Variants in BTBD8 observed in about 807,000 individuals in gnomAD.
The protein encoded by BTBD8 is BTB domain containing 8.
Under a neutral mutation model 162.9 loss-of-function variants are expected in BTBD8, and 110 were observed. The observed-to-expected ratio is 0.68, with a 90% CI of 0.58 to 0.79. The LOEUF (loss-of-function observed/expected upper bound fraction) is 0.79. BTBD8 is among the 30% of genes least tolerant of loss of function. BTBD8 has a pLI of 0.00. For synonymous variants in BTBD8, 667 were observed against 716.1 expected (o/e 0.93, Z 1.10); for missense variants, 1,905 against 2,085.4 (o/e 0.91, Z 1.68).
At chr1:92,104,018 T>C (rs1468048787) in intron 3 of BTBD8, among the ~76,000 whole-genome samples, 21 of 152,214 alleles carry the variant, frequency 1.4e-4, no homozygotes, top group Admixed American at 1.4e-3. Flanking sequence ...GATATTTAGG[T>C]GTGCATGTGT....
chr1:92,180,772 A>C lies in BTBD8; in HGVS notation c.3089A>C (p.Asn1030Thr). 6.4e-7 allele frequency: 1 copy of C among 1,551,788 alleles called. No homozygotes were observed. Among genetic ancestry groups the C allele is most frequent in the South Asian group, 1.2e-5 (1 of 84,064 alleles). The change falls in exon 17 of 18, where the codon AAT (asparagine) becomes ACT (threonine). Residue 1030 changes from asparagine to threonine, a missense_variant. Transcript: ENST00000636805. Reference sequence around the variant, plus strand: ...GAGAAGTTGGCGTTAGAATGCCAAAATATTTCAAAGCTGGATAAATCATTA... The same window carrying C: ...GAGAAGTTGGCGTTAGAATGCCAAACTATTTCAAAGCTGGATAAATCATTA... ...EKEKLALECQNISKLDKSLKH... is the reference protein window; with the variant it reads ...EKEKLALECQTISKLDKSLKH...
At chr1:92,095,787 A>C (rs184885022) in intron 2 of BTBD8, among the ~76,000 whole-genome samples, 4 of 152,106 alleles carry the variant, frequency 2.6e-5, no homozygotes, top group African/African-American at 4.8e-5. Context: ...TGTCCACTCT[A>C]CCTCAACTAC....
intron 6 of BTBD8, among the ~76,000 whole-genome samples, chr1:92,140,797 T>C (rs1451582785): frequency 6.6e-6 from 1 of 152,264 alleles, no homozygotes; most frequent in Non-Finnish European, 1.5e-5. Context: ...GCAGAGAGTT[T>C]TGTAACTTTT....
At chr1:92,182,931 G>T (rs1650959644) in intron 17 of BTBD8, among the ~76,000 whole-genome samples, 1 of 151,908 alleles carries the variant, frequency 6.6e-6, no homozygotes, top group Admixed American at 6.6e-5. Flanking sequence ...TTGACTATTA[G>T]AAATTTTATT....
intron 10 of BTBD8, 22 bp from the exon 11 acceptor site, chr1:92,167,826 T>C: frequency 6.5e-7 from 1 of 1,538,394 alleles, no homozygotes; most frequent in Non-Finnish European, 8.8e-7. Flanking sequence ...TCCTCTTAAA[T>C]ATTAATTTCT....
At chr1:92,158,568 C>G (rs889420941) in intron 9 of BTBD8, among the ~76,000 whole-genome samples, 13 of 152,072 alleles carry the variant, frequency 8.5e-5, no homozygotes, top group African/African-American at 3.1e-4. Flanking sequence ...CGTTAATATA[C>G]TCTTTAGTTA....
chr1:92,085,092 A>C (rs773507402), intron 1 of BTBD8, among the ~76,000 whole-genome samples: 5 of 152,072 alleles, frequency 3.3e-5, no homozygotes, highest in African/African-American at 7.2e-5. Context: ...TATATCACAC[A>C]CTTTAATTTT....
chr1:92,183,770 T>TTTTG (rs1553127263), intron 17 of BTBD8, 94 bp from the exon 18 acceptor site: 4 of 563,940 alleles, frequency 7.1e-6, no homozygotes, highest in African/African-American at 5.9e-5. Context: ...TTTTTTTTTT[T>TTTTG]GACTATCACT....
At chr1:92,136,021 T>C (rs557689678) in intron 5 of BTBD8, among the ~76,000 whole-genome samples, 1 of 152,306 alleles carries the variant, frequency 6.6e-6, no homozygotes, top group Non-Finnish European at 1.5e-5. Flanking sequence ...GTCATATCTG[T>C]AGTACATAAA....
At chr1:92,179,977 T>A (rs982073543) in intron 16 of BTBD8, among the ~76,000 whole-genome samples, 4 of 152,196 alleles carry the variant, frequency 2.6e-5, no homozygotes, top group Admixed American at 1.3e-4. Context: ...AAATCCAGTT[T>A]TGGCATAAAA....
At chr1:92,153,820 A>G (rs1253860214) in intron 9 of BTBD8, among the ~76,000 whole-genome samples, 2 of 152,148 alleles carry the variant, frequency 1.3e-5, no homozygotes, top group Non-Finnish European at 2.9e-5. Flanking sequence ...TGAACATGGT[A>G]GTGCTAATAT....
At chr1:92,087,680 G>A (rs749309706) in intron 1 of BTBD8, among the ~76,000 whole-genome samples, 20 of 152,194 alleles carry the variant, frequency 1.3e-4, no homozygotes, top group Non-Finnish European at 2.8e-4. Context: ...GGTATGTACT[G>A]AATGTGATGG....
At chr1:92,170,149 CAA>C (rs1450043546) in intron 12 of BTBD8, among the ~76,000 whole-genome samples, 1 of 152,020 alleles carries the variant, frequency 6.6e-6, no homozygotes, top group Non-Finnish European at 1.5e-5. Flanking sequence ...TTTAATTCTT[CAA>C]AGTGCTAATT....
intron 9 of BTBD8, among the ~76,000 whole-genome samples, chr1:92,148,658 AG>A (rs1196329221): frequency 6.6e-6 from 1 of 152,242 alleles, no homozygotes; most frequent in African/African-American, 2.4e-5. Context: ...AATTACTCCT[AG>A]TGATTCAGTA....
chr1:92,167,164 A>G (rs183227289), intron 10 of BTBD8, 24 bp downstream of exon 10: 11 of 1,548,030 alleles, frequency 7.1e-6, no homozygotes, highest in East Asian at 4.9e-5. Context: ...ATTATATCCT[A>G]TATTTAGTTC....
chr1:92,178,054 T>C (rs1650772889), intron 15 of BTBD8, among the ~76,000 whole-genome samples, 156 bp downstream of exon 15: 1 of 152,148 alleles, frequency 6.6e-6, no homozygotes, highest in East Asian at 1.9e-4. Flanking sequence ...TAAAAGAAAT[T>C]AGTATATGCA....
chr1:92,174,654 A>G (rs528626624), intron 13 of BTBD8, among the ~76,000 whole-genome samples: 7 of 152,302 alleles, frequency 4.6e-5, no homozygotes, highest in African/African-American at 1.7e-4. Context: ...GATTTGAGCA[A>G]GAAAACAAAA....
intron 1 of BTBD8, among the ~76,000 whole-genome samples, chr1:92,082,782 T>C (rs751413522): frequency 1.3e-5 from 2 of 152,092 alleles, no homozygotes; most frequent in African/African-American, 4.8e-5. Context: ...GAAAGTTGTT[T>C]GGGATATGGT....
intron 9 of BTBD8, among the ~76,000 whole-genome samples, chr1:92,150,397 G>T (rs1474492816): frequency 1.3e-5 from 2 of 152,146 alleles, no homozygotes; most frequent in Non-Finnish European, 2.9e-5. Context: ...TTAAATCAAG[G>T]AATAAATGTT....
Sources: gnomAD v4.1 joint callset for allele counts (sites outside exome capture counted in the v4.1 genomes callset) on GRCh38, gnomAD v4.1.1 for gene constraint, MANE v1.5 for transcripts, NCBI Gene and HGNC (gene_info 2026-07-23, HGNC 2026-07-21) for gene names.